Variants in CACNG3 observed in about 807,000 individuals in gnomAD.
CACNG3 encodes calcium voltage-gated channel auxiliary subunit gamma 3, also known as voltage-dependent calcium channel gamma-3 subunit.
CACNG3 carries 3 observed loss-of-function variants against 28.5 expected under a neutral mutation model. The ratio of observed to expected loss-of-function variants is 0.11; its 90% confidence interval spans 0.05 to 0.27. The LOEUF (loss-of-function observed/expected upper bound fraction) is 0.27, where lower values mean the gene tolerates loss of function less well. Ranked by LOEUF, CACNG3 falls within the 10% of genes least tolerant of loss-of-function variation. CACNG3 has a pLI of 1.00. For synonymous variants in CACNG3, 174 were observed against 162.2 expected, an observed-to-expected ratio of 1.07 and a Z score of -0.55; for missense variants, 236 against 414.4, an observed-to-expected ratio of 0.57 and a Z score of 3.74.
At position 24,361,212 on chromosome 16, in the gene CACNG3, A is replaced by T. The variant is rs1900098199; in HGVS notation, c.437-140A>T. ...AGTGACAGACCATGCAAGAAGAACTAGGTGGTTGGATTTCCCAGCTATAAT... is the reference window on the plus strand; with the variant it reads ...AGTGACAGACCATGCAAGAAGAACTTGGTGGTTGGATTTCCCAGCTATAAT... On this transcript the variant is annotated intron_variant, in intron 3 of 3. Coordinates refer to ENST00000005284, the MANE Select transcript of CACNG3 (RefSeq NM_006539.4). This position sits in a 1 kb window ranked among gnomAD's most constrained non-coding sequence, Gnocchi z 6.8. 3 of 659,180 alleles carry T rather than the reference A, an allele frequency of 4.6e-6. No individual in the cohort carries two copies. The South Asian group carries it at 6.1e-5, about 13-fold the overall frequency. The allele number at this position is 659,180 out of a possible 1,614,324, so 40.8% of individuals were successfully genotyped here. A position where few individuals can be genotyped will look rare whatever the true frequency, so the allele number is the denominator to read the frequency against.
chr16:24,279,009 AG>A (rs1228332747), intron 1 of CACNG3, among the ~76,000 whole-genome samples: 1 of 152,210 alleles, frequency 6.6e-6, no homozygotes, highest in African/African-American at 2.4e-5. Flanking sequence ...TCTGGAGGCT[AG>A]ATGGAGCATA....
chr16:24,342,984 G>T (rs2141378449), intron 1 of CACNG3, among the ~76,000 whole-genome samples: 1 of 152,180 alleles, frequency 6.6e-6, no homozygotes, highest in South Asian at 2.1e-4. Context: ...GAGGCCAGGA[G>T]TTCAAGACCA....
intron 1 of CACNG3, among the ~76,000 whole-genome samples, chr16:24,325,344 A>G (rs1194167534): frequency 6.6e-6 from 1 of 152,202 alleles, no homozygotes; most frequent in African/African-American, 2.4e-5. Context: ...CATCAGGTAC[A>G]TGGGAACAAG....
At chr16:24,330,481 T>C (rs1899616924) in intron 1 of CACNG3, among the ~76,000 whole-genome samples, 1 of 152,236 alleles carries the variant, frequency 6.6e-6, no homozygotes, top group Non-Finnish European at 1.5e-5. Flanking sequence ...CGACAGAGGC[T>C]GGAGCACCTC....
intron 1 of CACNG3, among the ~76,000 whole-genome samples, chr16:24,261,767 G>T (rs906851645): frequency 6.6e-6 from 1 of 152,272 alleles, no homozygotes. Flanking sequence ...GATGGGCCAG[G>T]ATGACATCAA....
intron 1 of CACNG3, among the ~76,000 whole-genome samples, chr16:24,339,601 G>T (rs1162722341): frequency 1.3e-5 from 2 of 152,126 alleles, no homozygotes; most frequent in East Asian, 3.8e-4. Context: ...GGCCAGGCTG[G>T]CCTCGAACTC....
chr16:24,341,372 T>TA (rs146993871), intron 1 of CACNG3, among the ~76,000 whole-genome samples: 11,369 of 152,264 alleles, frequency 0.075, 496 homozygotes, highest in Non-Finnish European at 0.096. Flanking sequence ...TATTGCTTCT[T>TA]AAAATCTCAC....
At position 24,317,648 on chromosome 16, in the gene CACNG3, AAAAGAAAGAAAGAAAGAAAG is replaced by A. The variant is rs1158587996; in HGVS notation, c.212-29038_212-29019del. On this transcript the variant is annotated intron_variant, in intron 1 of 3. Coordinates refer to ENST00000005284, the MANE Select transcript of CACNG3 (RefSeq NM_006539.4). The stretch of plus-strand genomic sequence containing the variant: ...AAAGACAGACAGAAAGAAAGAAAAG[AAAAGAAAGAAAGAAAGAAAG>A]AAAGAAAGAAAGAAAGAAAGAAAGA... Among the ~76,000 whole-genome samples the A allele has an allele frequency of 5.2e-4, 29 of 55,736 alleles. 1 individual carries two copies. Among genetic ancestry groups the A allele is most frequent in the South Asian group, 3.1e-3 (5 of 1,624 alleles). The allele number at this position is 55,736 out of a possible 152,430, so 36.6% of individuals were successfully genotyped here. A position where few individuals can be genotyped will look rare whatever the true frequency, so the allele number is the denominator to read the frequency against.
intron 1 of CACNG3, among the ~76,000 whole-genome samples, chr16:24,312,568 C>A (rs1443785123): frequency 6.6e-6 from 1 of 152,114 alleles, no homozygotes; most frequent in Non-Finnish European, 1.5e-5. Flanking sequence ...ATAATCCCAG[C>A]ACCCTGGGAG....
intron 1 of CACNG3, among the ~76,000 whole-genome samples, chr16:24,294,029 T>C (rs1306653995): frequency 6.6e-6 from 1 of 152,196 alleles, no homozygotes; most frequent in Non-Finnish European, 1.5e-5. Flanking sequence ...TGTGTTTTCA[T>C]AGGAAATTGC....
chr16:24,285,309 T>A (rs1310151760), intron 1 of CACNG3, among the ~76,000 whole-genome samples: 1 of 152,194 alleles, frequency 6.6e-6, no homozygotes, highest in African/African-American at 2.4e-5. Flanking sequence ...AAACACAGAT[T>A]GTTTAAGGTC....
rs547350669 is a variant in CACNG3, at chr16:24,268,946, G to A, written c.211+11981G>A. On this transcript the variant is annotated intron_variant, in intron 1 of 3. Coordinates refer to ENST00000005284, the MANE Select transcript of CACNG3 (RefSeq NM_006539.4). ...GCTTGGATGACTCTGTAACATAGAC[G>A]ATGCGAATCTGCAGCCAGGTTCTCA... 2.4e-4 allele frequency among the ~76,000 whole-genome samples: 36 copies of A among 152,250 alleles called. 1 individual carries two copies. The highest frequency in any genetic ancestry group is 7.2e-4 in the Admixed American group (11 of 15,296).
At chr16:24,316,205 C>T (rs1222662778) in intron 1 of CACNG3, among the ~76,000 whole-genome samples, 1 of 151,774 alleles carries the variant, frequency 6.6e-6, no homozygotes, top group Non-Finnish European at 1.5e-5. Context: ...TCTCAGGAAC[C>T]GTCTGGACTT....
At position 24,342,009 on chromosome 16, in the gene CACNG3, T is replaced by A. The variant is rs1439205210; in HGVS notation, c.212-4725T>A. Among the ~76,000 whole-genome samples the A allele has an allele frequency of 3.9e-5, 6 of 152,252 alleles. No homozygotes were observed. The South Asian group carries it at 1.2e-3, about 31-fold the overall frequency. ...TAGGCCAGGAGCGGTGGCTCACGCC[T>A]GTCATCCCAGCGCTTTGGGAGGCTG... On this transcript the variant is annotated intron_variant, in intron 1 of 3. Transcript: ENST00000005284.
intron 1 of CACNG3, among the ~76,000 whole-genome samples, chr16:24,324,354 G>A (rs369392977): frequency 2.0e-5 from 3 of 152,184 alleles, no homozygotes; most frequent in South Asian, 4.2e-4. Context: ...TGCTAAATCT[G>A]CCTCTTGCCT....
chr16:24,273,235 A>G (rs1898712151), intron 1 of CACNG3, among the ~76,000 whole-genome samples: 2 of 152,128 alleles, frequency 1.3e-5, no homozygotes, highest in African/African-American at 4.8e-5. Context: ...TTTTTTATTC[A>G]GTCCTTCTGG....
chr16:24,279,507 GC>G, intron 1 of CACNG3, among the ~76,000 whole-genome samples: 2 of 152,050 alleles, frequency 1.3e-5, no homozygotes, highest in South Asian at 4.2e-4. Context: ...ATCTCACTAT[GC>G]TGCCTAGGCT....
intron 1 of CACNG3, among the ~76,000 whole-genome samples, chr16:24,307,876 T>C (rs1265981609): frequency 6.6e-6 from 1 of 152,190 alleles, no homozygotes; most frequent in African/African-American, 2.4e-5. Flanking sequence ...TTCTGATTCA[T>C]AACTCTACTT....
chr16:24,317,562 GAA>G (rs1283224237), intron 1 of CACNG3, among the ~76,000 whole-genome samples: 1 of 30,126 alleles, frequency 3.3e-5, no homozygotes, highest in South Asian at 1.3e-3. Flanking sequence ...GAAAAAGAAA[GAA>G]AGAAAGAAAG....
Sources: allele counts gnomAD v4.1 joint callset (sites outside exome capture counted in the v4.1 genomes callset), GRCh38; gene constraint gnomAD v4.1.1; non-coding constraint Gnocchi (gnomAD v3.1); transcripts MANE v1.5; gene names NCBI Gene and HGNC (gene_info 2026-07-23, HGNC 2026-07-21).